Variants in GSAP observed in about 807,000 individuals in gnomAD.
GSAP encodes gamma-secretase activating protein.
Under a neutral mutation model 131.7 loss-of-function variants are expected in GSAP, and 118 were observed. The ratio of observed to expected loss-of-function variants is 0.90; its 90% confidence interval spans 0.77 to 1.04. GSAP has a LOEUF of 1.04. Ranked by LOEUF, GSAP falls within the 50% of genes least tolerant of loss-of-function variation. The pLI, the probability that GSAP is intolerant of heterozygous loss-of-function variation, is 0.00. For synonymous variants in GSAP, 381 were observed against 363.4 expected, an observed-to-expected ratio of 1.05 and a Z score of -0.55; for missense variants, 1,019 against 1,013.2, an observed-to-expected ratio of 1.01 and a Z score of -0.08.
chr7:77,413,181 T>G (rs1803601870), intron 1 of GSAP, among the ~76,000 whole-genome samples: 1 of 152,184 alleles, frequency 6.6e-6, no homozygotes, highest in African/African-American at 2.4e-5. Flanking sequence ...AGGAAGCAAG[T>G]CCTGGTAGGT....
intron 22 of GSAP, 199 bp downstream of exon 22, chr7:77,328,407 G>A (rs1788617136): frequency 7.8e-7 from 1 of 1,289,800 alleles, no homozygotes; most frequent in Non-Finnish European, 9.8e-7. Context: ...ACATTCAGCA[G>A]CTGTCCCCGG....
At chr7:77,395,881 TGGAAAG>T (rs1800295328) in intron 5 of GSAP, among the ~76,000 whole-genome samples, 1 of 152,132 alleles carries the variant, frequency 6.6e-6, no homozygotes, top group African/African-American at 2.4e-5. Context: ...ACAGAACAGA[TGGAAAG>T]CACCTGGGAG....
At chr7:77,346,901 C>T (rs564300361) in intron 19 of GSAP, among the ~76,000 whole-genome samples, 6 of 151,970 alleles carry the variant, frequency 3.9e-5, no homozygotes, top group African/African-American at 1.4e-4. Flanking sequence ...TTTCACCTGC[C>T]CTAAGGCATG....
At chr7:77,329,737 ATG>A (rs370060253) in intron 20 of GSAP, 2 of 170,926 alleles carry the variant, frequency 1.2e-5, no homozygotes, top group Non-Finnish European at 2.5e-5. Context: ...CATTGGCACA[ATG>A]TGTGTGTGTC....
chr7:77,350,278 TGGGGGGA>T (rs1177045377), intron 18 of GSAP, among the ~76,000 whole-genome samples: 1 of 37,956 alleles, frequency 2.6e-5, no homozygotes, highest in Non-Finnish European at 4.2e-5. Flanking sequence ...TGTTGTGGGG[TGGGGGGA>T]GGGGGGAGGG....
At chr7:77,413,784 A>G (rs746639617) in intron 1 of GSAP, among the ~76,000 whole-genome samples, 8 of 152,232 alleles carry the variant, frequency 5.3e-5, no homozygotes, top group African/African-American at 9.6e-5. Flanking sequence ...AAAGGAGCAC[A>G]TAAGAGACTT....
At chr7:77,329,834 A>G (rs1584287552) in intron 20 of GSAP, 1 of 161,998 alleles carries the variant, frequency 6.2e-6, no homozygotes, top group East Asian at 1.8e-4. Context: ...ATCACCCCCA[A>G]AGATTTCCCT....
At chr7:77,318,135 GC>G (rs1466254462) in intron 26 of GSAP, among the ~76,000 whole-genome samples, 2 of 152,198 alleles carry the variant, frequency 1.3e-5, no homozygotes, top group Non-Finnish European at 2.9e-5. Flanking sequence ...GGATTTTGGA[GC>G]CAAACTGCCT....
At chr7:77,346,270 C>CAAAAAAAAAAA (rs1223497863) in intron 19 of GSAP, among the ~76,000 whole-genome samples, 71 of 40,804 alleles carry the variant, frequency 1.7e-3, no homozygotes, top group East Asian at 4.8e-3. Flanking sequence ...GACTCCATCT[C>CAAAAAAAAAAA]AAAAAAAAAA....
intron 28 of GSAP, among the ~76,000 whole-genome samples, chr7:77,313,073 C>T (rs984682387): frequency 3.9e-5 from 6 of 152,126 alleles, no homozygotes; most frequent in Non-Finnish European, 8.8e-5. Context: ...GAATGTCTTC[C>T]TACCATGGTA....
intron 6 of GSAP, among the ~76,000 whole-genome samples, chr7:77,384,853 A>G (rs866337170): frequency 2.0e-5 from 3 of 152,126 alleles, no homozygotes; most frequent in Non-Finnish European, 2.9e-5. Context: ...GGCAGGAGGG[A>G]GAAGGCGGGG....
At chr7:77,334,805 C>A (rs901252580) in intron 19 of GSAP, among the ~76,000 whole-genome samples, 3 of 152,142 alleles carry the variant, frequency 2.0e-5, no homozygotes, top group Admixed American at 2.0e-4. Flanking sequence ...ACATACCCGG[C>A]CAGGCATGGT....
rs1792449797 is a variant in GSAP at position 77,349,521 on chromosome 7, AC to A, written c.1492-118del. The A allele has an allele frequency of 3.9e-6, 3 of 766,412 alleles. No homozygotes were observed. In the South Asian group the frequency reaches 4.6e-5, roughly 12 times the overall value. The allele number at this position is 766,412 out of a possible 1,614,324, so 47.5% of individuals were successfully genotyped here. On this transcript the variant is annotated intron_variant, in intron 18 of 30. Transcript: ENST00000257626. ...AGCTGAGGGCAGCTTCCAGCTTCTAACCTCTACTTTAAATAAACCTTGGAGG... is the reference window on the plus strand; with the variant it reads ...AGCTGAGGGCAGCTTCCAGCTTCTAACTCTACTTTAAATAAACCTTGGAGG...
intron 12 of GSAP, among the ~76,000 whole-genome samples, chr7:77,367,680 G>A (rs1795519815): frequency 6.6e-6 from 1 of 152,154 alleles, no homozygotes. Flanking sequence ...TTATGTCTCT[G>A]ACAGGTTTTC....
In GSAP at chr7:77,376,873, T is replaced by A; in HGVS notation, c.716A>T (p.Tyr239Phe). Residue 239 changes from tyrosine to phenylalanine, a missense_variant, in exon 10 of 31, where the codon TAT (tyrosine) becomes TTT (phenylalanine). Tyr to Phe is a conservative substitution (Grantham distance 22). Coordinates refer to ENST00000257626, the MANE Select transcript of GSAP (RefSeq NM_017439.4). Reference protein sequence around the residue: ...SRSILKCIQFYADESYNLMFE... With the variant: ...SRSILKCIQFFADESYNLMFE... Reference sequence around the variant, plus strand: ...CATTAAGTTATAGCTCTCATCAGCATAAAACTGGATACATTTTAAGATACT... The same window carrying A: ...CATTAAGTTATAGCTCTCATCAGCAAAAAACTGGATACATTTTAAGATACT... The A allele has an allele frequency of 6.7e-7, 1 of 1,490,772 alleles. No homozygotes were observed. The highest frequency in any genetic ancestry group is 9.2e-7 in the Non-Finnish European group (1 of 1,088,222). The allele number at this position is 1,490,772 out of a possible 1,614,324, so 92.3% of individuals were successfully genotyped here.
At chr7:77,340,913 A>T (rs1394320521) in intron 19 of GSAP, among the ~76,000 whole-genome samples, 1 of 151,740 alleles carries the variant, frequency 6.6e-6, no homozygotes, top group Non-Finnish European at 1.5e-5. Flanking sequence ...TGCCTCCTTC[A>T]CTATGGGCAA....
intron 10 of GSAP, among the ~76,000 whole-genome samples, 154 bp downstream of exon 10, chr7:77,376,694 G>A (rs922279864): frequency 1.0e-4 from 15 of 150,240 alleles, no homozygotes; most frequent in East Asian, 7.8e-4. Context: ...GGAGAATGGC[G>A]TGAACCCAGG....
At chr7:77,372,206 T>C (rs1796231940) in intron 12 of GSAP, among the ~76,000 whole-genome samples, 1 of 152,210 alleles carries the variant, frequency 6.6e-6, no homozygotes, top group Admixed American at 6.5e-5. Flanking sequence ...CGTGGATCAT[T>C]CTACAAGACA....
chr7:77,332,471 C>T (rs546765584), intron 19 of GSAP, among the ~76,000 whole-genome samples: 1 of 152,240 alleles, frequency 6.6e-6, no homozygotes, highest in Admixed American at 6.5e-5. Context: ...AGAAACAGAT[C>T]AAACAGAGCT....
Sources: gnomAD v4.1 joint callset for allele counts (sites outside exome capture counted in the v4.1 genomes callset) on GRCh38, gnomAD v4.1.1 for gene constraint, MANE v1.5 for transcripts, NCBI Gene and HGNC (gene_info 2026-07-23, HGNC 2026-07-21) for gene names.